Variants in GRK5 observed in about 807,000 individuals in gnomAD.
GRK5 encodes the protein g protein-coupled receptor kinase GRK5.
In GRK5, 40 loss-of-function variants were observed where a neutral mutation model predicts 78.4. The observed-to-expected ratio is 0.51, with a 90% CI of 0.40 to 0.66. The LOEUF (loss-of-function observed/expected upper bound fraction) is 0.66, where lower values mean the gene tolerates loss of function less well. Among genes scored for constraint, GRK5 ranks in the 30% least tolerant of loss-of-function variants. GRK5 has a pLI of 0.00. For synonymous variants in GRK5, 289 were observed against 296.8 expected (o/e 0.97, Z 0.27); for missense variants, 598 against 759.9 (o/e 0.79, Z 2.50).
At chr10:119,246,298 A>G (rs1417803460) in intron 1 of GRK5, among the ~76,000 whole-genome samples, 1 of 152,106 alleles carries the variant, frequency 6.6e-6, no homozygotes, top group East Asian at 1.9e-4. Flanking sequence ...GCTGTGTAAT[A>G]GTTGTTATAC....
intron 3 of GRK5, among the ~76,000 whole-genome samples, chr10:119,395,861 T>A (rs1255939401): frequency 6.6e-6 from 1 of 152,152 alleles, no homozygotes. Flanking sequence ...TGCATGACCC[T>A]ATGCAAGTCC....
chr10:119,453,203 C>T lies in GRK5; in HGVS notation c.1601C>T (p.Pro534Leu), dbSNP rs371520487. Residue 534 changes from proline (P) to leucine (L), a missense_variant, in exon 15 of 16, where the codon CCG (proline) becomes CTG (leucine). By Grantham distance (98) the Pro-to-Leu change is moderately conservative (BLOSUM62 -3). Coordinates refer to ENST00000392870, the MANE Select transcript of GRK5 (RefSeq NM_005308.3). ...LNVFGPNGTL[P>L]PDLNRNHPPE... ...GTGTTTGGACCTAATGGTACCCTCC[C>T]GCCAGATCTGAACAGAAACCACCCT... 29 of 1,606,822 alleles carry T rather than the reference C, an allele frequency of 1.8e-5. No homozygotes were observed. The highest frequency in any genetic ancestry group is 1.3e-4 in the African/African-American group (10 of 74,886).
chr10:119,403,955 A>C (rs1379546930), intron 4 of GRK5, among the ~76,000 whole-genome samples: 1 of 152,068 alleles, frequency 6.6e-6, no homozygotes, highest in Non-Finnish European at 1.5e-5. Context: ...TTTTGTTTCT[A>C]CATTTTTGCT....
chr10:119,422,937 C>A (rs1852599506), intron 4 of GRK5, among the ~76,000 whole-genome samples: 1 of 152,254 alleles, frequency 6.6e-6, no homozygotes, highest in Non-Finnish European at 1.5e-5. Context: ...AACCTAGGCT[C>A]ATTCACCACC....
chr10:119,446,749 C>G (rs1481001472), intron 12 of GRK5, among the ~76,000 whole-genome samples: 1 of 152,198 alleles, frequency 6.6e-6, no homozygotes, highest in Non-Finnish European at 1.5e-5. Context: ...AGGGTGGAAC[C>G]TGGTGCTGGC....
chr10:119,345,957 A>G (rs1851083196), intron 2 of GRK5, among the ~76,000 whole-genome samples: 2 of 151,778 alleles, frequency 1.3e-5, no homozygotes, highest in African/African-American at 2.4e-5. Context: ...TTTACCTCCA[A>G]TGTCAGTGGA....
At chr10:119,258,606 A>C (rs1279146376) in intron 1 of GRK5, among the ~76,000 whole-genome samples, 2 of 152,212 alleles carry the variant, frequency 1.3e-5, no homozygotes, top group Non-Finnish European at 2.9e-5. Flanking sequence ...ATCAGAGGCA[A>C]TATGGGCTTG....
chr10:119,224,912 C>A (rs895898767), intron 1 of GRK5, among the ~76,000 whole-genome samples: 3 of 152,162 alleles, frequency 2.0e-5, no homozygotes, highest in Non-Finnish European at 4.4e-5. Flanking sequence ...TGCAGCTTGG[C>A]CAGGTGATCC....
intron 12 of GRK5, among the ~76,000 whole-genome samples, chr10:119,446,223 C>T (rs1490445009): frequency 1.3e-5 from 2 of 152,186 alleles, no homozygotes; most frequent in African/African-American, 4.8e-5. Context: ...CTTTACCTGA[C>T]GATGTGGCTG....
At chr10:119,341,916 G>A (rs928212056) in intron 2 of GRK5, among the ~76,000 whole-genome samples, 1 of 152,170 alleles carries the variant, frequency 6.6e-6, no homozygotes, top group Non-Finnish European at 1.5e-5. Flanking sequence ...ATCAGAAACG[G>A]TTTAGAGAGA....
At chr10:119,374,536 C>T (rs2133823888) in intron 2 of GRK5, among the ~76,000 whole-genome samples, 1 of 152,318 alleles carries the variant, frequency 6.6e-6, no homozygotes, top group East Asian at 1.9e-4. Context: ...AGTGTGAGCC[C>T]TGTCCTGGGA....
chr10:119,403,236 G>A (rs1017713991), intron 4 of GRK5, among the ~76,000 whole-genome samples: 2 of 151,728 alleles, frequency 1.3e-5, no homozygotes, highest in Non-Finnish European at 1.5e-5. Flanking sequence ...GTGTGATCTC[G>A]GCTCACTGCA....
intron 2 of GRK5, among the ~76,000 whole-genome samples, chr10:119,331,257 G>T (rs1850774346): frequency 6.6e-6 from 1 of 152,244 alleles, no homozygotes; most frequent in Admixed American, 6.5e-5. Flanking sequence ...GGATTCTTCT[G>T]TTCTGCCGGA....
chr10:119,276,881 G>A (rs1048742941), intron 1 of GRK5, among the ~76,000 whole-genome samples: 1 of 152,208 alleles, frequency 6.6e-6, no homozygotes, highest in African/African-American at 2.4e-5. Flanking sequence ...TAGGGCTCTT[G>A]TGTGAAAGAG....
intron 1 of GRK5, among the ~76,000 whole-genome samples, chr10:119,322,504 C>G (rs954143309): frequency 1.3e-5 from 2 of 152,206 alleles, no homozygotes; most frequent in Non-Finnish European, 2.9e-5. Flanking sequence ...GTGTCCGGCA[C>G]CTGCAGAGGG....
intron 2 of GRK5, among the ~76,000 whole-genome samples, chr10:119,349,608 G>A (rs1056632116): frequency 2.0e-5 from 3 of 152,214 alleles, no homozygotes; most frequent in Non-Finnish European, 2.9e-5. Context: ...TGGGGAACAT[G>A]GCTCACCAGG....
intron 1 of GRK5, among the ~76,000 whole-genome samples, chr10:119,293,640 G>A (rs769769313): frequency 9.9e-5 from 15 of 152,080 alleles, no homozygotes; most frequent in South Asian, 2.1e-4. Flanking sequence ...TCCTCCTTCC[G>A]GATAGACCTT....
chr10:119,291,499 G>A (rs986674651), intron 1 of GRK5, among the ~76,000 whole-genome samples: 1 of 143,878 alleles, frequency 7.0e-6, no homozygotes, highest in Admixed American at 7.0e-5. Flanking sequence ...GGAAGGAACT[G>A]CTGCTGCTGC....
intron 3 of GRK5, among the ~76,000 whole-genome samples, chr10:119,381,775 G>T (rs1398123823): frequency 6.6e-6 from 1 of 152,124 alleles, no homozygotes; most frequent in Non-Finnish European, 1.5e-5. Flanking sequence ...AGGTGCAGGG[G>T]CCGAGAGGCT....
Sources: gnomAD v4.1 joint callset for allele counts (sites outside exome capture counted in the v4.1 genomes callset) on GRCh38, gnomAD v4.1.1 for gene constraint, MANE v1.5 for transcripts, NCBI Gene and HGNC (gene_info 2026-07-23, HGNC 2026-07-21) for gene names.